The following RP1 variants were observed in gnomAD, a reference collection of about 807,000 sequenced individuals.
RP1 encodes the protein oxygen-regulated protein 1.
In RP1, 16 loss-of-function variants were observed where a neutral mutation model predicts 14.8. The observed-to-expected ratio is 1.08, with a 90% CI of 0.73 to 1.65. The LOEUF is 1.65. Ranked by LOEUF, RP1 falls within the 40% of genes most tolerant of loss-of-function variation. RP1 has a pLI of 0.00. For missense variants in RP1, 2,631 were observed against 2,535.0 expected, an observed-to-expected ratio of 1.04 and a Z score of -0.81; for synonymous variants, 876 against 883.6, an observed-to-expected ratio of 0.99 and a Z score of 0.15.
Position 54,644,473 on chromosome 8 carries a change from T to A in RP1, c.788-4512T>A, listed in dbSNP as rs1461259186. On this transcript the variant is annotated intron_variant, in intron 3 of 22. Transcript: ENST00000636932. ...GTGGATGCCAAAGGGGTCCATACCA[T>A]TAGACACAAGGACACAAGGGTTCTT... Among the ~76,000 whole-genome samples, 6 of 152,294 alleles carry A rather than the reference T, an allele frequency of 3.9e-5. No homozygotes were observed. In the East Asian group the frequency reaches 1.2e-3, roughly 29 times the overall value.
intron 24 of RP1, among the ~76,000 whole-genome samples, chr8:54,835,012 A>G (rs1811624928): frequency 6.6e-6 from 1 of 152,176 alleles, no homozygotes; most frequent in Non-Finnish European, 1.5e-5. Context: ...AGTTTTAAAA[A>G]TAACTTATTT....
chr8:54,726,246 T>A, intron 16 of RP1: 2 of 1,311,476 alleles, frequency 1.5e-6, no homozygotes, highest in Non-Finnish European at 2.0e-6. Context: ...ATGGAAACAA[T>A]AGCAAAAATT....
intron 1 of RP1, among the ~76,000 whole-genome samples, chr8:54,606,767 T>C (rs1357854872): frequency 1.3e-5 from 2 of 152,210 alleles, no homozygotes; most frequent in Non-Finnish European, 2.9e-5. Context: ...TTCTCTAAAC[T>C]TCTCTTCTCA....
chr8:54,827,249 A>G (rs1811403809), intron 24 of RP1, among the ~76,000 whole-genome samples: 1 of 152,214 alleles, frequency 6.6e-6, no homozygotes, highest in African/African-American at 2.4e-5. Flanking sequence ...ACCTTAGCTT[A>G]CTGTTTGATT....
intron 3 of RP1, among the ~76,000 whole-genome samples, chr8:54,646,913 G>A (rs965123644): frequency 1.3e-5 from 2 of 152,094 alleles, no homozygotes; most frequent in African/African-American, 4.8e-5. Flanking sequence ...ATCCTACAGA[G>A]CATAGCTAGA....
At chr8:54,717,352 A>G (rs1808428638) in intron 15 of RP1, among the ~76,000 whole-genome samples, 1 of 152,202 alleles carries the variant, frequency 6.6e-6, no homozygotes. Context: ...TTTAGTAGGT[A>G]AGAGAGCCTT....
chr8:54,626,269 G>A lies in RP1; in HGVS notation c.2387G>A (p.Gly796Asp), dbSNP rs561407644. 6.2e-7 allele frequency: 1 copy of A among 1,613,342 alleles called. No homozygotes were observed. Among genetic ancestry groups the A allele is most frequent in the South Asian group, 1.1e-5 (1 of 90,992 alleles). Residue 796 changes from glycine (G) to aspartate (D), a missense_variant, in exon 4 of 4, where the codon GGT becomes GAT. Physicochemically the swap from Gly to Asp is moderately conservative, Grantham distance 94. Coordinates refer to ENST00000220676, the MANE Select transcript of RP1 (RefSeq NM_006269.2). Reference sequence around the variant, plus strand: ...GGAGCACCTAAAAAAAGAGAAATCGGTCAAAGAGATAAAGTGTTTCCTCAC... The same window carrying A: ...GGAGCACCTAAAAAAAGAGAAATCGATCAAAGAGATAAAGTGTTTCCTCAC... ...SLGAPKKREI[G>D]QRDKVFPHNE...
intron 7 of RP1, among the ~76,000 whole-genome samples, chr8:54,667,688 A>G (rs552361215): frequency 6.6e-6 from 1 of 152,216 alleles, no homozygotes; most frequent in African/African-American, 2.4e-5. Context: ...ATTTCTCTCA[A>G]AATGAATTGT....
intron 27 of RP1, among the ~76,000 whole-genome samples, chr8:54,862,532 G>T (rs369285713): frequency 6.6e-6 from 1 of 152,134 alleles, no homozygotes; most frequent in Non-Finnish European, 1.5e-5. Flanking sequence ...AATAAAAAGT[G>T]ATTTACAAAA....
chr8:54,598,343 ATAAC>A (rs969492674), intron 1 of RP1, among the ~76,000 whole-genome samples: 3 of 152,190 alleles, frequency 2.0e-5, no homozygotes, highest in Non-Finnish European at 4.4e-5. Context: ...TTGTACATAC[ATAAC>A]TATCAGTCTA....
chr8:54,726,344 G>A lies in RP1; in HGVS notation c.2390-1G>A, dbSNP rs1245505069. On this transcript the variant is annotated splice_acceptor_variant, in intron 16 of 22. Transcript: ENST00000636932. LOFTEE classifies it high-confidence loss of function. ...GGCATCTTTTAAAATCTTAATTTCA[G>A]TTGGCAGAGAAAACCCAATGGGAAT... 3 of 1,517,760 alleles carry A rather than the reference G, an allele frequency of 2.0e-6. No individual in the cohort carries two copies. The highest frequency in any genetic ancestry group is 4.9e-5 in the East Asian group (2 of 40,616). The allele number at this position is 1,517,760 out of a possible 1,614,324, so 94.0% of individuals were successfully genotyped here.
At chr8:54,734,557 A>C in exon 18 of RP1, 1 of 1,534,666 alleles carries the variant, frequency 6.5e-7, no homozygotes, top group Non-Finnish European at 8.7e-7. Flanking sequence ...GAAATCAGAC[A>C]TTTCCAAAGT....
chr8:54,759,098 C>G (rs775210175), intron 22 of RP1: 1 of 1,527,612 alleles, frequency 6.5e-7, no homozygotes. Context: ...CTCCAAGATA[C>G]TTCAAAAGAG....
At chr8:54,759,892 A>T (rs1255892239) in intron 22 of RP1, among the ~76,000 whole-genome samples, 1 of 152,170 alleles carries the variant, frequency 6.6e-6, no homozygotes, top group Non-Finnish European at 1.5e-5. Flanking sequence ...GAAAATTTGA[A>T]TCTTCAATAT....
intron 24 of RP1, among the ~76,000 whole-genome samples, chr8:54,818,134 A>C (rs1196927609): frequency 2.0e-5 from 3 of 152,256 alleles, no homozygotes; most frequent in Non-Finnish European, 4.4e-5. Context: ...GTGATTTTTC[A>C]TGCCAAGGTC....
upstream of RP1, among the ~76,000 whole-genome samples, chr8:54,612,144 C>T (rs1376657636): frequency 4.6e-5 from 7 of 152,136 alleles, no homozygotes; most frequent in South Asian, 2.1e-4. Context: ...AGAAGAAAAA[C>T]GTCCCAGGTA....
At position 54,571,424 on chromosome 8, in the gene RP1, G is replaced by A. The variant is rs78356299; in HGVS notation, c.-13+12104G>A. Among the ~76,000 whole-genome samples the A allele has an allele frequency of 7.9e-5, 12 of 152,302 alleles. No homozygotes were observed. In the East Asian group the frequency reaches 2.3e-3, roughly 29 times the overall value. ...ACATATCATAGGTGCTTAATGAATA[G>A]GTTTCTTGTCTGAGAGATGTGGCCC... On this transcript the variant is annotated intron_variant, in intron 1 of 22. Transcript: ENST00000636932.
Position 54,625,789 on chromosome 8 carries a change from C to CT in RP1, c.1908dup (p.Thr637TyrfsTer7). 6.2e-7 allele frequency: 1 copy of CT among 1,613,494 alleles called. No homozygotes were observed. On this transcript the variant is annotated frameshift_variant, in exon 4 of 4. Transcript: ENST00000220676. LOFTEE classifies it low-confidence loss of function (END_TRUNC). ...GAGGCTCCAGCTTCAGAAGCATCCT[C>CT]TACTGTCACTGCAAGAATTGACAGA...
At chr8:54,746,966 A>G (rs2129362299) in intron 19 of RP1, among the ~76,000 whole-genome samples, 1 of 152,306 alleles carries the variant, frequency 6.6e-6, no homozygotes, top group African/African-American at 2.4e-5. Context: ...TATATAAGCC[A>G]GAACCCTATG....
Sources: gnomAD v4.1 joint callset for allele counts (sites outside exome capture counted in the v4.1 genomes callset) on GRCh38, gnomAD v4.1.1 for gene constraint, MANE v1.5 for transcripts, NCBI Gene and HGNC (gene_info 2026-07-23, HGNC 2026-07-21) for gene names.